FBXO40: variants seen among roughly 807,000 people sequenced by gnomAD.
FBXO40 encodes F-box only protein 40.
Under a neutral mutation model 49.9 loss-of-function variants are expected in FBXO40, and 50 were observed. The ratio of observed to expected loss-of-function variants is 1.00; its 90% CI spans 0.80 to 1.27. The LOEUF is 1.27. FBXO40 is among the 50% of genes most tolerant of loss of function. The probability of loss-of-function intolerance (pLI) is 0.00; values close to 1 mark genes in which losing one functional copy is unlikely to be tolerated. For synonymous variants in FBXO40, 340 were observed against 320.2 expected (o/e 1.06, Z -0.66); for missense variants, 895 against 870.1 (o/e 1.03, Z -0.36).
At chr3:121,608,224 A>T (rs1178982467) in intron 1 of FBXO40, among the ~76,000 whole-genome samples, 2 of 152,246 alleles carry the variant, frequency 1.3e-5, no homozygotes, top group Admixed American at 6.5e-5. Flanking sequence ...GTAAAACAGC[A>T]TCTAACAAGC....
chr3:121,623,751 T>C (rs2049047331), intron 3 of FBXO40, among the ~76,000 whole-genome samples: 1 of 142,652 alleles, frequency 7.0e-6, no homozygotes, highest in Non-Finnish European at 1.5e-5. Context: ...TGCAATGGCA[T>C]GATCTTGGCT....
rs527876170 is a variant in FBXO40 at position 121,628,152 on chromosome 3, T to G, written c.*1242T>G. 2 of 383,206 alleles carry G rather than the reference T, an allele frequency of 5.2e-6. No individual in the cohort carries two copies. The highest frequency in any genetic ancestry group is 2.1e-5 in the African/African-American group (1 of 48,232). 23.7% of individuals were successfully genotyped at this position (383,206 alleles called of 1,614,324 possible). On this transcript the variant is annotated 3_prime_UTR_variant, in exon 4 of 4. Coordinates refer to ENST00000338040, the MANE Select transcript of FBXO40 (RefSeq NM_016298.4). ...CTTCTTAGCCTTGGAACTATTGACA[T>G]TTTTAAATGGATAATTCTTTTTTTT...
At chr3:121,602,888 CTG>C (rs1328673547) in intron 1 of FBXO40, among the ~76,000 whole-genome samples, 2 of 152,120 alleles carry the variant, frequency 1.3e-5, no homozygotes, top group Non-Finnish European at 2.9e-5. Context: ...GATGTGTTTC[CTG>C]CTGGATCCTA....
chr3:121,597,368 G>T (rs1416479377), intron 1 of FBXO40, among the ~76,000 whole-genome samples: 2 of 152,056 alleles, frequency 1.3e-5, no homozygotes, highest in Non-Finnish European at 2.9e-5. Flanking sequence ...GGGGCCGAAA[G>T]TGGGGGGAAG....
rs143261889 is a variant in FBXO40 at position 121,627,964 on chromosome 3, C to T, written c.*1054C>T. The T allele has an allele frequency of 5.7e-4, 227 of 398,616 alleles. 1 individual carries two copies. Among genetic ancestry groups the T allele is most frequent in the Middle Eastern group, 3.1e-3 (5 of 1,588 alleles). The allele number at this position is 398,616 out of a possible 1,614,324, so 24.7% of individuals were successfully genotyped here. Reference sequence around the variant, plus strand: ...TGGAGAGGAAGACATGTGAACATAACGGCTCCCTGAAATTGCTCCTACCCA... The same window carrying T: ...TGGAGAGGAAGACATGTGAACATAATGGCTCCCTGAAATTGCTCCTACCCA... On this transcript the variant is annotated 3_prime_UTR_variant, in exon 4 of 4. Coordinates refer to ENST00000338040, the MANE Select transcript of FBXO40 (RefSeq NM_016298.4).
Position 121,621,600 on chromosome 3 carries a change from C to T in FBXO40, c.171C>T (p.Leu57=), listed in dbSNP as rs374749316. 4.3e-6 allele frequency: 7 copies of T among 1,614,160 alleles called. No homozygotes were observed. The highest frequency in any genetic ancestry group is 5.9e-6 in the Non-Finnish European group (7 of 1,180,054). Residue 57 remains leucine (L), a synonymous_variant, in exon 3 of 4, where the codon CTC becomes CTT. Transcript: ENST00000338040. ...HMCKEAEHQL[L]CPLEQVPCLN... is the part of the protein sequence containing the mutation. ...GCAAAGAGGCAGAGCACCAGCTCCT[C>T]TGCCCTTTAGAGCAGGTTCCGTGCC...
At chr3:121,599,753 C>T (rs569126178) in intron 1 of FBXO40, among the ~76,000 whole-genome samples, 3 of 141,318 alleles carry the variant, frequency 2.1e-5, no homozygotes, top group South Asian at 2.3e-4. Flanking sequence ...GACGGAGTCT[C>T]ACTCTGGTGC....
rs184673980 is a variant in FBXO40 at position 121,623,204 on chromosome 3, G to T, written c.1775G>T (p.Ser592Ile). 8.1e-6 allele frequency: 13 copies of T among 1,614,090 alleles called. No homozygotes were observed. The highest frequency in any genetic ancestry group is 1.0e-5 in the Non-Finnish European group (12 of 1,180,046). The change falls in exon 3 of 4, where the codon AGC (serine) becomes ATC (isoleucine). Residue 592 changes from serine (S) to isoleucine (I), a missense_variant. Transcript: ENST00000338040. ...ATTGCTGGGTTCTTGGACAGCGTCA[G>T]CCTGGCCCAGCTCTCCCAGGTGTCT... The part of the protein sequence containing the change: ...KYIAGFLDSV[S>I]LAQLSQVSVL...
At chr3:121,602,331 C>T (rs911652920) in intron 1 of FBXO40, among the ~76,000 whole-genome samples, 1 of 152,192 alleles carries the variant, frequency 6.6e-6, no homozygotes, top group African/African-American at 2.4e-5. Flanking sequence ...CCCTCATCTT[C>T]CCATCCATGA....
At chr3:121,621,013 C>A (rs560402968) in intron 2 of FBXO40, among the ~76,000 whole-genome samples, 10 of 152,154 alleles carry the variant, frequency 6.6e-5, no homozygotes, top group African/African-American at 9.6e-5. Context: ...TGTTACACTG[C>A]CATTATGAAG....
At chr3:121,615,141 G>A (rs768246056) in intron 1 of FBXO40, among the ~76,000 whole-genome samples, 40 of 137,252 alleles carry the variant, frequency 2.9e-4, no homozygotes, top group Non-Finnish European at 5.9e-4. Flanking sequence ...GGAGACGGAG[G>A]TTGCAGTAAG....
intron 1 of FBXO40, among the ~76,000 whole-genome samples, chr3:121,617,784 G>A (rs1050404457): frequency 3.9e-5 from 6 of 152,166 alleles, no homozygotes; most frequent in African/African-American, 1.4e-4. Context: ...CGGATCACTT[G>A]AGGTCAGGAG....
At chr3:121,597,893 C>A (rs1372018646) in intron 1 of FBXO40, among the ~76,000 whole-genome samples, 1 of 152,074 alleles carries the variant, frequency 6.6e-6, no homozygotes, top group African/African-American at 2.4e-5. Context: ...AAACTCCTGA[C>A]CTCAAGTGAT....
chr3:121,616,154 AC>A, intron 1 of FBXO40, among the ~76,000 whole-genome samples: 1 of 151,796 alleles, frequency 6.6e-6, no homozygotes, highest in East Asian at 1.9e-4. Flanking sequence ...CTGGGCCCTG[AC>A]CCTGTTTGAT....
chr3:121,623,347 A>T lies in FBXO40; in HGVS notation c.1914+4A>T, dbSNP rs763718593. 2 of 1,604,394 alleles carry T rather than the reference A, an allele frequency of 1.2e-6. No individual in the cohort carries two copies. Among genetic ancestry groups the T allele is most frequent in the Non-Finnish European group, 1.7e-6 (2 of 1,174,322 alleles). On this transcript the variant is annotated splice_donor_region_variant and intron_variant, in intron 3 of 3. Coordinates refer to ENST00000338040, the MANE Select transcript of FBXO40 (RefSeq NM_016298.4). ...CTCCTGGAGAGTCCACAGAGAGGTA[A>T]GTAAACACTCATTTATTGATTGACT...
At chr3:121,605,272 T>C (rs186085956) in intron 1 of FBXO40, among the ~76,000 whole-genome samples, 11 of 152,292 alleles carry the variant, frequency 7.2e-5, no homozygotes, top group Admixed American at 5.9e-4. Flanking sequence ...TCCAGTGACC[T>C]GGGGTCAAGA....
At chr3:121,599,269 A>G (rs916090988) in intron 1 of FBXO40, among the ~76,000 whole-genome samples, 1 of 152,038 alleles carries the variant, frequency 6.6e-6, no homozygotes, top group Non-Finnish European at 1.5e-5. Flanking sequence ...GGAGTTTGAG[A>G]CCAGCCTGGC....
At chr3:121,608,785 C>T (rs773405038) in intron 1 of FBXO40, among the ~76,000 whole-genome samples, 1 of 152,234 alleles carries the variant, frequency 6.6e-6, no homozygotes, top group Non-Finnish European at 1.5e-5. Flanking sequence ...GCCACATGGT[C>T]GAGTTGCTTA....
chr3:121,608,060 C>T (rs991486631), intron 1 of FBXO40, among the ~76,000 whole-genome samples: 6 of 152,188 alleles, frequency 3.9e-5, no homozygotes, highest in Non-Finnish European at 7.3e-5. Context: ...TACACTGGCT[C>T]GGCTATGTCT....
Sources: gnomAD v4.1 joint callset for allele counts (sites outside exome capture counted in the v4.1 genomes callset) on GRCh38, gnomAD v4.1.1 for gene constraint, MANE v1.5 for transcripts, NCBI Gene and HGNC (gene_info 2026-07-23, HGNC 2026-07-21) for gene names.